The following IKBKB variants were observed in gnomAD, a reference collection of about 807,000 sequenced individuals.
The protein encoded by IKBKB is inhibitor of nuclear factor kappa B kinase subunit beta, also known as inhibitor of nuclear factor kappa-B kinase subunit beta.
IKBKB carries 42 observed loss-of-function variants against 113.6 expected under a neutral mutation model. That is an observed-to-expected ratio of 0.37 (90% confidence interval 0.29 to 0.48). The LOEUF (loss-of-function observed/expected upper bound fraction) is 0.48, where lower values mean the gene tolerates loss of function less well. IKBKB is among the 20% of genes least tolerant of loss of function. The probability of loss-of-function intolerance (pLI) is 0.99; values close to 1 mark genes in which losing one functional copy is unlikely to be tolerated. For synonymous variants in IKBKB, 296 were observed against 361.3 expected (o/e 0.82, Z 2.05); for missense variants, 673 against 939.7 (o/e 0.72, Z 3.71).
chr8:42,317,226 A>G, intron 11 of IKBKB: 1 of 443,832 alleles, frequency 2.3e-6, no homozygotes. Flanking sequence ...AAAAAAAAAA[A>G]GGATGCTGCA....
chr8:42,276,433 T>C (rs1177590873), intron 2 of IKBKB, among the ~76,000 whole-genome samples: 3 of 152,188 alleles, frequency 2.0e-5, no homozygotes, highest in African/African-American at 7.2e-5. Context: ...AAAAATTGGA[T>C]TATTTATTTT....
Position 42,331,375 on chromosome 8 carries a change from G to T in IKBKB, c.*396G>T. On this transcript the variant is annotated 3_prime_UTR_variant, in exon 22 of 22. Transcript: ENST00000520810. ...TTGGAGTACGGTTTGCCACACACGT[G>T]ACTGGACAGTGTCCAATTCAAATCT... 2.8e-6 allele frequency: 2 copies of T among 702,894 alleles called. No homozygotes were observed. Among genetic ancestry groups the T allele is most frequent in the South Asian group, 3.0e-5 (2 of 67,572 alleles). The allele number at this position is 702,894 out of a possible 1,614,324, so 43.5% of individuals were successfully genotyped here.
At position 42,331,234 on chromosome 8, in the gene IKBKB, C is replaced by A. The variant is rs773150373; in HGVS notation, c.*255C>A. 9.8e-6 allele frequency: 7 copies of A among 712,004 alleles called. No individual in the cohort carries two copies. In the South Asian group the frequency reaches 1.0e-4, roughly 11 times the overall value. 44.1% of individuals were successfully genotyped at this position (712,004 alleles called of 1,614,324 possible). On this transcript the variant is annotated 3_prime_UTR_variant, in exon 22 of 22. Transcript: ENST00000520810. ...CGCAGCCCTCCGTGGGCACTGCCGG[C>A]GCCTTGTCTGCACACTGGAGGTCCT...
chr8:42,273,800 G>C (rs1808336501), intron 2 of IKBKB, among the ~76,000 whole-genome samples: 1 of 151,872 alleles, frequency 6.6e-6, no homozygotes, highest in Non-Finnish European at 1.5e-5. Context: ...TGATCTTCCT[G>C]CCTTGGCCTC....
In IKBKB at chr8:42,331,305, G is replaced by A; in HGVS notation, c.*326G>A. 1.4e-6 allele frequency: 1 copy of A among 702,518 alleles called. No individual in the cohort carries two copies. Among genetic ancestry groups the A allele is most frequent in the Non-Finnish European group, 2.6e-6 (1 of 385,084 alleles). The allele number at this position is 702,518 out of a possible 1,614,324, so 43.5% of individuals were successfully genotyped here. A position where few individuals can be genotyped will look rare whatever the true frequency, so the allele number is the denominator to read the frequency against. On this transcript the variant is annotated 3_prime_UTR_variant, in exon 22 of 22. Coordinates refer to ENST00000520810, the MANE Select transcript of IKBKB (RefSeq NM_001556.3). ...ACATCGCTGGCCCCACAAACGTTCA[G>A]GGGTACAGCCATGGCAGCTCCTTCC...
chr8:42,311,686 G>A (rs1817732011), intron 8 of IKBKB, among the ~76,000 whole-genome samples: 1 of 152,174 alleles, frequency 6.6e-6, no homozygotes, highest in African/African-American at 2.4e-5. Flanking sequence ...CTCCCAGTGA[G>A]GGAGGTGTCT....
chr8:42,271,729 CAGA>C, intron 1 of IKBKB: 1 of 509,338 alleles, frequency 2.0e-6, no homozygotes, highest in Non-Finnish European at 3.4e-6. Flanking sequence ...CGGCGATGCT[CAGA>C]AGTAGGTTCT....
At chr8:42,298,230 G>T in intron 5 of IKBKB, 1 of 985,442 alleles carries the variant, frequency 1.0e-6, no homozygotes, top group South Asian at 4.7e-5. Flanking sequence ...ATGGGGTGTG[G>T]CTCTGCTGGG....
At chr8:42,289,213 TA>T (rs1360782881) in intron 3 of IKBKB, among the ~76,000 whole-genome samples, 1 of 151,842 alleles carries the variant, frequency 6.6e-6, no homozygotes, top group African/African-American at 2.4e-5. Flanking sequence ...AGACTCCGTC[TA>T]AAAAAAAGAG....
Position 42,331,846 on chromosome 8 carries a change from G to A in IKBKB, c.*867G>A. 4.7e-6 allele frequency: 1 copy of A among 212,438 alleles called. No individual in the cohort carries two copies. Among genetic ancestry groups the A allele is most frequent in the South Asian group, 7.4e-5 (1 of 13,530 alleles). 13.2% of individuals were successfully genotyped at this position (212,438 alleles called of 1,614,324 possible). ...CCATTCCTGCTCAAGCGTGTGTGCT[G>A]GGCCGGGGAGTCCCTGTCTCTCACA... On this transcript the variant is annotated 3_prime_UTR_variant, in exon 22 of 22. Transcript: ENST00000520810.
At chr8:42,330,373 C>T in intron 21 of IKBKB, 5 of 934,556 alleles carry the variant, frequency 5.4e-6, no homozygotes, top group Non-Finnish European at 5.1e-6. Context: ...TTTTATGCAG[C>T]CTGGGTCTTG....
intron 2 of IKBKB, among the ~76,000 whole-genome samples, chr8:42,279,215 T>C (rs2130125458): frequency 6.6e-6 from 1 of 152,284 alleles, no homozygotes; most frequent in African/African-American, 2.4e-5. Flanking sequence ...TGAGGAGAAG[T>C]CTTTGATCAT....
chr8:42,317,887 C>T, intron 12 of IKBKB, 116 bp downstream of exon 12: 1 of 741,958 alleles, frequency 1.3e-6, no homozygotes, highest in East Asian at 2.6e-5. Context: ...TTAATATCGC[C>T]AGTCCTCAGG....
At chr8:42,307,828 A>G (rs756644651) in intron 7 of IKBKB, among the ~76,000 whole-genome samples, 4 of 152,150 alleles carry the variant, frequency 2.6e-5, no homozygotes, top group Admixed American at 6.5e-5. Flanking sequence ...AGGTTGACCT[A>G]CCCATCCCGG....
chr8:42,277,170 C>T (rs899600200), intron 2 of IKBKB, among the ~76,000 whole-genome samples: 1 of 147,540 alleles, frequency 6.8e-6, no homozygotes, highest in Non-Finnish European at 1.5e-5. Flanking sequence ...CACCCGGCCA[C>T]GTGTGGCTAA....
intron 5 of IKBKB, among the ~76,000 whole-genome samples, chr8:42,300,314 G>A (rs1412521326): frequency 3.9e-5 from 6 of 152,204 alleles, no homozygotes. Context: ...TTCTCACTCA[G>A]TGATGACTTG....
chr8:42,288,423 CTGGAGAGGT>C (rs1811876457), intron 2 of IKBKB, among the ~76,000 whole-genome samples: 1 of 150,224 alleles, frequency 6.7e-6, no homozygotes, highest in Admixed American at 6.6e-5. Flanking sequence ...AGAAATGAGG[CTGGAGAGGT>C]TGGGTGAGAG....
intron 5 of IKBKB, among the ~76,000 whole-genome samples, chr8:42,296,571 C>G (rs1043068688): frequency 1.3e-5 from 2 of 151,942 alleles, no homozygotes; most frequent in Non-Finnish European, 2.9e-5. Context: ...ATCACTTGAA[C>G]CCAGGAGGCA....
At chr8:42,289,778 T>C (rs1326408897) in intron 3 of IKBKB, among the ~76,000 whole-genome samples, 1 of 152,042 alleles carries the variant, frequency 6.6e-6, no homozygotes, top group Non-Finnish European at 1.5e-5. Flanking sequence ...AAAAAAAATA[T>C]GAAAACAAAA....
Sources: gnomAD v4.1 joint callset for allele counts (sites outside exome capture counted in the v4.1 genomes callset) on GRCh38, gnomAD v4.1.1 for gene constraint, MANE v1.5 for transcripts, NCBI Gene and HGNC (gene_info 2026-07-23, HGNC 2026-07-21) for gene names.